Variants in TTN observed in about 807,000 individuals in gnomAD.
TTN encodes connectin.
Under a neutral mutation model 3,223.0 loss-of-function variants are expected in TTN, and 1,525 were observed. The observed-to-expected ratio is 0.47, with a 90% CI of 0.45 to 0.49. TTN has a LOEUF of 0.49. Among genes scored for constraint, TTN ranks in the 20% least tolerant of loss-of-function variants. The probability of loss-of-function intolerance (pLI) is 0.00; values close to 1 mark genes in which losing one functional copy is unlikely to be tolerated. For synonymous variants in TTN, 14,094 were observed against 15,161.0 expected, an observed-to-expected ratio of 0.93 and a Z score of 5.17; for missense variants, 40,786 against 43,424.0, an observed-to-expected ratio of 0.94 and a Z score of 5.40.
At position 178,591,419 on chromosome 2, in the gene TTN, T is replaced by C; in HGVS notation, c.60306A>G (p.Ile20102Met). Reference sequence around the variant, plus strand: ...TTGCAGTAGGAACAGGCACACCTCTTATAATAGCAGGGAATCTGACTGTGG... The same window carrying C: ...TTGCAGTAGGAACAGGCACACCTCTCATAATAGCAGGGAATCTGACTGTGG... ...AGTTVRFPAI[I>M]RGVPVPTAKW... The change falls in exon 304 of 363, where the codon ATA becomes ATG. Residue 20102 changes from isoleucine (I) to methionine (M), a missense_variant. By Grantham distance (10) the Ile-to-Met change is conservative. Coordinates refer to ENST00000589042, the MANE Select transcript of TTN (RefSeq NM_001267550.2). 1 of 1,608,822 alleles carries C rather than the reference T, an allele frequency of 6.2e-7. No individual in the cohort carries two copies. Among genetic ancestry groups the C allele is most frequent in the East Asian group, 2.2e-5 (1 of 44,774 alleles).
chr2:178,622,832 G>T, intron 242 of TTN, 65 bp from the exon 243 acceptor site: 1 of 1,207,634 alleles, frequency 8.3e-7, no homozygotes, highest in Non-Finnish European at 1.2e-6. Flanking sequence ...CATTACCATA[G>T]TATACATTAA....
intron 82 of TTN, 45 bp downstream of exon 82, chr2:178,719,509 C>T (rs1434778862): frequency 5.7e-6 from 9 of 1,588,336 alleles, no homozygotes; most frequent in Admixed American, 1.7e-5. Context: ...TGCCCCTCCA[C>T]CCCCTGGAAA....
Position 178,802,064 on chromosome 2 carries a change from T to C in TTN, c.295+74A>G, listed in dbSNP as rs1031085690. 5.7e-6 allele frequency: 9 copies of C among 1,586,018 alleles called. No individual in the cohort carries two copies. In the East Asian group the frequency reaches 1.3e-4, roughly 24 times the overall value. On this transcript the variant is annotated intron_variant, in intron 3 of 362. Coordinates refer to ENST00000589042, the MANE Select transcript of TTN (RefSeq NM_001267550.2). Reference sequence around the variant, plus strand: ...GCATCTACCTCTGCCCATAGCTTTTTCTGGACTCCTTTCCCAATTTGCTGG... The same window carrying C: ...GCATCTACCTCTGCCCATAGCTTTTCCTGGACTCCTTTCCCAATTTGCTGG...
Position 178,537,463 on chromosome 2 carries a change from A to G in TTN, c.99744T>C (p.Thr33248=). 1 of 1,613,504 alleles carries G rather than the reference A, an allele frequency of 6.2e-7. No individual in the cohort carries two copies. Among genetic ancestry groups the G allele is most frequent in the Non-Finnish European group, 8.5e-7 (1 of 1,179,678 alleles). ...TCATGACAAGATGAGTATAGTGCTC[A>G]GTGTTTTCAATAGTAATGTTTTCTG... ...QNSENITIEN[T]EHYTHLVMKN... The change falls in exon 355 of 363, where the codon ACT becomes ACC. Residue 33248 remains threonine, a synonymous_variant. Coordinates refer to ENST00000589042, the MANE Select transcript of TTN (RefSeq NM_001267550.2).
chr2:178,721,467 C>CT (rs1390419963), intron 78 of TTN, among the ~76,000 whole-genome samples: 3 of 150,188 alleles, frequency 2.0e-5, no homozygotes, highest in Admixed American at 6.6e-5. Context: ...TTAGTTGATT[C>CT]TTTTTTTTAG....
intron 336 of TTN, 52 bp downstream of exon 336, chr2:178,550,915 T>A (rs1699179655): frequency 1.3e-6 from 2 of 1,561,518 alleles, no homozygotes; most frequent in South Asian, 2.4e-5. Context: ...AATGTGTTTT[T>A]TAAAAATGTG....
In TTN at chr2:178,546,712, A is replaced by G; in HGVS notation, c.94716T>C (p.Thr31572=). The change falls in exon 341 of 363, where the codon ACT becomes ACC. Residue 31572 remains threonine, a synonymous_variant. Coordinates refer to ENST00000589042, the MANE Select transcript of TTN (RefSeq NM_001267550.2). The stretch of plus-strand genomic sequence containing the variant: ...CATAAGTGTCTCCTTCACTGAGAGC[A>G]GTCACGGTGAAGAAATTGTCAGATA... ...TIVSDNFFTV[T]ALSEGDTYEF... is the part of the protein sequence containing the mutation. 1 of 1,613,836 alleles carries G rather than the reference A, an allele frequency of 6.2e-7. No homozygotes were observed. Among genetic ancestry groups the G allele is most frequent in the Non-Finnish European group, 8.5e-7 (1 of 1,179,768 alleles).
In TTN at chr2:178,576,280, G is replaced by A. The variant is rs760049838; in HGVS notation, c.69852C>T (p.Asp23284=). Residue 23284 remains aspartate, a synonymous_variant, in exon 326 of 363, where the codon GAC becomes GAT. Transcript: ENST00000589042. The surrounding 1 kb of genome is among the most constrained non-coding windows in gnomAD (Gnocchi z 4.3). ...CTGTGGTATCTTTTATCCAGGCCTC[G>A]TCTCCTACTTTTTGATGCTCCACGA... is the stretch of plus-strand genomic sequence containing the variant. ...GYVVEHQKVG[D]EAWIKDTTGT... 49 of 1,603,892 alleles carry A rather than the reference G, an allele frequency of 3.1e-5. 1 individual carries two copies. In the South Asian group the frequency reaches 3.5e-4, roughly 11 times the overall value.
In TTN at chr2:178,620,206, A is replaced by G; in HGVS notation, c.46304+11T>C. 6.5e-7 allele frequency: 1 copy of G among 1,542,658 alleles called. No homozygotes were observed. The highest frequency in any genetic ancestry group is 8.7e-7 in the Non-Finnish European group (1 of 1,149,236). ...AGCTACAGAAATAGAGAATAAAAAG[A>G]TCTTGCTTACTTTTTGCCTTCTTTG... On this transcript the variant is annotated intron_variant, in intron 248 of 362. Coordinates refer to ENST00000589042, the MANE Select transcript of TTN (RefSeq NM_001267550.2).
At position 178,569,129 on chromosome 2, in the gene TTN, C is replaced by A. The variant is rs771896110; in HGVS notation, c.77003G>T (p.Gly25668Val). The change falls in exon 326 of 363, where the codon GGT becomes GTT. Residue 25668 changes from glycine to valine, a missense_variant. Gly to Val is a moderately radical substitution (Grantham distance 109, BLOSUM62 -3). Transcript: ENST00000589042. Reference protein sequence around the residue: ...NSWKIDQLQEGCSYYFRVTAE... With the variant: ...NSWKIDQLQEVCSYYFRVTAE... ...TGTGACTCTAAAGTAATAACTGCAA[C>A]CTTCTTGGAGCTGATCGATTTTCCA... The A allele has an allele frequency of 6.2e-7, 1 of 1,613,502 alleles. No individual in the cohort carries two copies. The highest frequency in any genetic ancestry group is 1.1e-5 in the South Asian group (1 of 91,054).
intron 362 of TTN, 63 bp from the exon 363 acceptor site, chr2:178,527,370 C>A: frequency 6.4e-7 from 1 of 1,568,230 alleles, no homozygotes; most frequent in Non-Finnish European, 8.6e-7. Context: ...GATTTGCTTT[C>A]TACTGAATTG....
chr2:178,631,554 A>G lies in TTN; in HGVS notation c.43748-254T>C, dbSNP rs117788124. 1.8e-4 allele frequency among the ~76,000 whole-genome samples: 27 copies of G among 152,226 alleles called. No individual in the cohort carries two copies. The East Asian group carries it at 5.2e-3, about 29-fold the overall frequency. ...TTATTAACAGTAGCTAAAAAGACTGAAATTTAGCTTCAAATACAATTTTGT... is the reference window on the plus strand; with the variant it reads ...TTATTAACAGTAGCTAAAAAGACTGGAATTTAGCTTCAAATACAATTTTGT... On this transcript the variant is annotated intron_variant, in intron 236 of 362. Transcript: ENST00000589042.
chr2:178,804,851 T>C (rs77135680), intron 1 of TTN, among the ~76,000 whole-genome samples, 196 bp from the exon 2 acceptor site: 172 of 152,276 alleles, frequency 1.1e-3, no homozygotes, highest in African/African-American at 3.8e-3. Flanking sequence ...ACTTAAAGCC[T>C]AACCCAAAGT....
At chr2:178,617,608 T>C in intron 253 of TTN, 96 bp from the exon 254 acceptor site, 1 of 1,420,638 alleles carries the variant, frequency 7.0e-7, no homozygotes, top group Non-Finnish European at 9.5e-7. Flanking sequence ...ATTAACAGGT[T>C]TATCAAATTC....
rs200972189 is a variant in TTN at position 178,717,787 on chromosome 2, C to G, written c.25087G>C (p.Ala8363Pro). ...IKARKLPPFF[A>P]RKLKDVHETL... ...TCATGAACGTCTTTCAGTTTTCTTGCAAAGAAAGGTGGAAGTTTGCGCGCT... is the reference window on the plus strand; with the variant it reads ...TCATGAACGTCTTTCAGTTTTCTTGGAAAGAAAGGTGGAAGTTTGCGCGCT... Residue 8363 changes from alanine (A) to proline (P), a missense_variant, in exon 87 of 363, where the codon GCA becomes CCA. By Grantham distance (27) the Ala-to-Pro change is conservative (BLOSUM62 -1). Transcript: ENST00000589042. 1.5e-5 allele frequency: 24 copies of G among 1,607,248 alleles called. No individual in the cohort carries two copies. Among genetic ancestry groups the G allele is most frequent in the Middle Eastern group, 1.7e-4 (1 of 6,022 alleles).
In TTN at chr2:178,662,933, G is replaced by A. The variant is rs372210038; in HGVS notation, c.36790+33C>T. On this transcript the variant is annotated intron_variant, in intron 174 of 362. Transcript: ENST00000589042. ...CACTTCTATGCAGTCTTTCCCCAGGGCCCCCCGACTGACAATGTGTAATGA... is the reference window on the plus strand; with the variant it reads ...CACTTCTATGCAGTCTTTCCCCAGGACCCCCCGACTGACAATGTGTAATGA... 8 of 1,610,218 alleles carry A rather than the reference G, an allele frequency of 5.0e-6. No individual in the cohort carries two copies. In the African/African-American group the frequency reaches 9.4e-5, roughly 19 times the overall value.
At position 178,775,643 on chromosome 2, in the gene TTN, C is replaced by G. The variant is rs749333268; in HGVS notation, c.6221G>C (p.Ser2074Thr). ...TTCGAAGATTTTTGGAGCCTCCATACTAGGACTTAGTTCAATCTTGTCAGG... is the reference window on the plus strand; with the variant it reads ...TTCGAAGATTTTTGGAGCCTCCATAGTAGGACTTAGTTCAATCTTGTCAGG... Reference protein sequence around the residue: ...FKPDKIELSPSMEAPKIFERI... With the variant: ...FKPDKIELSPTMEAPKIFERI... The change falls in exon 28 of 363, where the codon AGT becomes ACT. Residue 2074 changes from serine (S) to threonine (T), a missense_variant. Transcript: ENST00000589042. 7.4e-6 allele frequency: 12 copies of G among 1,614,124 alleles called. No individual in the cohort carries two copies. The South Asian group carries it at 1.3e-4, about 18-fold the overall frequency.
Position 178,583,668 on chromosome 2 carries a change from G to C in TTN, c.65514C>G (p.Thr21838=), listed in dbSNP as rs372543748. 2 of 1,612,080 alleles carry C rather than the reference G, an allele frequency of 1.2e-6. No homozygotes were observed. Among genetic ancestry groups the C allele is most frequent in the Non-Finnish European group, 1.7e-6 (2 of 1,179,040 alleles). The change falls in exon 312 of 363, where the codon ACC becomes ACG. Residue 21838 remains threonine (T), a synonymous_variant. Transcript: ENST00000589042. The part of the protein sequence containing the change: ...AQYQFRAIAR[T]AVNISPPSEP... Reference sequence around the variant, plus strand: ...CAGAAGGTGGGCTAATGTTTACCGCGGTCCTGGCAATAGCTCTAAATTGAT... The same window carrying C: ...CAGAAGGTGGGCTAATGTTTACCGCCGTCCTGGCAATAGCTCTAAATTGAT...
rs764812424 is a variant in TTN at position 178,775,723 on chromosome 2, T to C, written c.6141A>G (p.Glu2047=). 1 of 1,614,154 alleles carries C rather than the reference T, an allele frequency of 6.2e-7. No individual in the cohort carries two copies. Among genetic ancestry groups the C allele is most frequent in the South Asian group, 1.1e-5 (1 of 91,080 alleles). Residue 2047 remains glutamate (E), a synonymous_variant, in exon 28 of 363, where the codon GAA becomes GAG. Coordinates refer to ENST00000589042, the MANE Select transcript of TTN (RefSeq NM_001267550.2). The part of the protein sequence containing the change: ...ELLHWTKELT[E]EEKKALAEEG... ...CTTCGGCAAGAGCTTTCTTTTCCTC[T>C]TCAGTTAACTCTTTGGTCCAGTGGA...
Sources: allele counts gnomAD v4.1 joint callset (sites outside exome capture counted in the v4.1 genomes callset), GRCh38; gene constraint gnomAD v4.1.1; non-coding constraint Gnocchi (gnomAD v3.1); transcripts MANE v1.5; gene names NCBI Gene and HGNC (gene_info 2026-07-23, HGNC 2026-07-21).